Variants in ELOVL2 observed in about 807,000 individuals in gnomAD.
ELOVL2 encodes the protein ELOVL fatty acid elongase 2.
A neutral mutation model predicts 37.7 loss-of-function variants in ELOVL2; 38 were observed. The ratio of observed to expected loss-of-function variants is 1.01; its 90% confidence interval spans 0.78 to 1.32. The LOEUF (loss-of-function observed/expected upper bound fraction) is 1.32. Ranked by LOEUF, ELOVL2 falls within the 40% of genes most tolerant of loss-of-function variation. The pLI, the probability that ELOVL2 is intolerant of heterozygous loss-of-function variation, is 0.00. For missense variants in ELOVL2, 352 were observed against 363.6 expected, an observed-to-expected ratio of 0.97 and a Z score of 0.26; for synonymous variants, 115 against 122.3, an observed-to-expected ratio of 0.94 and a Z score of 0.40.
At position 10,981,736 on chromosome 6, in the gene ELOVL2, CG is replaced by C. The variant is rs1440807062; in HGVS notation, c.*2044del. 1 of 152,098 alleles carries C rather than the reference CG, an allele frequency of 6.6e-6. No individual in the cohort carries two copies. The highest frequency in any genetic ancestry group is 1.5e-5 in the Non-Finnish European group (1 of 68,032). 9.4% of individuals were successfully genotyped at this position (152,098 alleles called of 1,614,324 possible). A position where few individuals can be genotyped will look rare whatever the true frequency, so the allele number is the denominator to read the frequency against. On this transcript the variant is annotated 3_prime_UTR_variant, in exon 8 of 8. Coordinates refer to ENST00000354666, the MANE Select transcript of ELOVL2 (RefSeq NM_017770.4). ...CTGAGACCTTAGGGCCTCACTGGCA[CG>C]TAAGAATAAGCTGAATGTGATGACC... is the stretch of plus-strand genomic sequence containing the variant.
intron 3 of ELOVL2, among the ~76,000 whole-genome samples, chr6:11,001,914 C>T (rs1288199852): frequency 6.6e-6 from 1 of 152,194 alleles, no homozygotes; most frequent in Non-Finnish European, 1.5e-5. Context: ...CCAGCTTCTT[C>T]CCATCTTCAC....
At chr6:11,026,087 C>T (rs376734918) in intron 1 of ELOVL2, among the ~76,000 whole-genome samples, 4 of 152,280 alleles carry the variant, frequency 2.6e-5, no homozygotes, top group South Asian at 4.1e-4. Context: ...GTGGAAGCAG[C>T]GACTGCAAGA....
chr6:11,040,247 A>C (rs1783079417), intron 1 of ELOVL2, among the ~76,000 whole-genome samples: 1 of 152,176 alleles, frequency 6.6e-6, no homozygotes, highest in South Asian at 2.1e-4. Flanking sequence ...GCTGGGTTTA[A>C]GGTGGCAGTG....
intron 3 of ELOVL2, 37 bp downstream of exon 3, chr6:11,005,335 G>A: frequency 6.4e-7 from 1 of 1,572,778 alleles, no homozygotes; most frequent in Non-Finnish European, 8.6e-7. Flanking sequence ...AAAACTGCTA[G>A]TTACTGGACT....
chr6:11,043,914 C>T, intron 1 of ELOVL2: 1 of 261,478 alleles, frequency 3.8e-6, no homozygotes, highest in Non-Finnish European at 7.2e-6. Flanking sequence ...TCCCGGGCGC[C>T]CGGCCCCGTG....
rs372000843 is a variant in ELOVL2, at chr6:11,034,514, C to A, written c.3+9714G>T. ...CCTGGCCAACATGGTGAAACCCCATCTCTACTAAAAATACAAAAATTAGCC... is the reference window on the plus strand; with the variant it reads ...CCTGGCCAACATGGTGAAACCCCATATCTACTAAAAATACAAAAATTAGCC... On this transcript the variant is annotated intron_variant, in intron 1 of 7. Transcript: ENST00000354666. Among the ~76,000 whole-genome samples the A allele has an allele frequency of 1.6e-4, 24 of 147,940 alleles. No homozygotes were observed. The South Asian group carries it at 5.3e-3, about 33-fold the overall frequency.
chr6:10,986,438 G>A (rs1223318658), intron 7 of ELOVL2, among the ~76,000 whole-genome samples: 2 of 152,102 alleles, frequency 1.3e-5, no homozygotes, highest in Admixed American at 1.3e-4. Context: ...GTTTTCAAAG[G>A]GAATGCTTCC....
At chr6:11,032,976 C>A (rs897412900) in intron 1 of ELOVL2, among the ~76,000 whole-genome samples, 3 of 152,086 alleles carry the variant, frequency 2.0e-5, no homozygotes, top group Admixed American at 6.5e-5. Flanking sequence ...TTGAAATAAG[C>A]TGGTAGGGAA....
At position 10,989,765 on chromosome 6, in the gene ELOVL2, G is replaced by C. The variant is rs767839020; in HGVS notation, c.703C>G (p.Leu235Val). The C allele has an allele frequency of 1.4e-5, 22 of 1,613,972 alleles. No individual in the cohort carries two copies. Among genetic ancestry groups the C allele is most frequent in the Non-Finnish European group, 1.9e-5 (22 of 1,179,956 alleles). ...VKPCGFPFGC[L>V]IFQSSYMLTL... ...AGCATATAAGATGACTGGAAGATGA[G>C]ACAACCGAAGGGGAAGCCACACGGT... Residue 235 changes from leucine (L) to valine (V), a missense_variant, in exon 7 of 8, where the codon CTC (leucine) becomes GTC (valine). Transcript: ENST00000354666.
At chr6:11,036,262 A>T (rs572981535) in intron 1 of ELOVL2, among the ~76,000 whole-genome samples, 1 of 152,366 alleles carries the variant, frequency 6.6e-6, no homozygotes, top group African/African-American at 2.4e-5. Context: ...GCAGGACTTT[A>T]AAAGCTTTGA....
chr6:10,986,074 A>G (rs1207890454), intron 7 of ELOVL2, among the ~76,000 whole-genome samples: 2 of 152,100 alleles, frequency 1.3e-5, no homozygotes, highest in Non-Finnish European at 1.5e-5. Context: ...ATCCCTTGTA[A>G]GTTGGATTCC....
chr6:11,012,327 T>C (rs1283470173), intron 1 of ELOVL2, among the ~76,000 whole-genome samples: 1 of 152,222 alleles, frequency 6.6e-6, no homozygotes, highest in African/African-American at 2.4e-5. Context: ...TTTGTTTCCA[T>C]GTAGGGCATC....
rs1782112683 is a variant in ELOVL2 at position 10,989,696 on chromosome 6, C to T, written c.765+7G>A. On this transcript the variant is annotated splice_region_variant and intron_variant, in intron 7 of 7. Coordinates refer to ENST00000354666, the MANE Select transcript of ELOVL2 (RefSeq NM_017770.4). ...ATTTTACTGCTGAATATTTACATTC[C>T]ACGTACCTGAACGTAAAAATTTAAG... 1 of 1,612,718 alleles carries T rather than the reference C, an allele frequency of 6.2e-7. No homozygotes were observed. Among genetic ancestry groups the T allele is most frequent in the Non-Finnish European group, 8.5e-7 (1 of 1,179,094 alleles).
intron 1 of ELOVL2, among the ~76,000 whole-genome samples, chr6:11,029,118 C>T (rs1386758238): frequency 6.9e-6 from 1 of 145,556 alleles, no homozygotes; most frequent in South Asian, 2.2e-4. Context: ...GTCCTAGCTA[C>T]GCAGGAGGCT....
chr6:11,011,506 G>T lies in ELOVL2; in HGVS notation c.4-697C>A, dbSNP rs76978652. Reference sequence around the variant, plus strand: ...TGTGGGTAGGCAATAGAGAACATCTGTTTCCACAAAATATATTCATAAATC... The same window carrying T: ...TGTGGGTAGGCAATAGAGAACATCTTTTTCCACAAAATATATTCATAAATC... On this transcript the variant is annotated intron_variant, in intron 1 of 7. Transcript: ENST00000354666. Among the ~76,000 whole-genome samples the T allele has an allele frequency of 8.2e-3, 1,253 of 152,254 alleles. 10 individuals are homozygous for T. Among genetic ancestry groups the T allele is most frequent in the African/African-American group, 0.029 (1,185 of 41,544 alleles).
chr6:11,037,414 C>T (rs1305463762), intron 1 of ELOVL2, among the ~76,000 whole-genome samples: 1 of 151,892 alleles, frequency 6.6e-6, no homozygotes, highest in African/African-American at 2.4e-5. Context: ...GTGGAAAATT[C>T]AACAGATTTA....
chr6:11,030,652 C>T (rs1006013020), intron 1 of ELOVL2, among the ~76,000 whole-genome samples: 6 of 151,850 alleles, frequency 4.0e-5, no homozygotes, highest in South Asian at 2.1e-4. Context: ...CCACCACGCC[C>T]GGCTAATTTT....
rs145171176 is a variant in ELOVL2, at chr6:11,011,762, C to T, written c.4-953G>A. Among the ~76,000 whole-genome samples the T allele has an allele frequency of 7.0e-4, 107 of 152,238 alleles. No individual in the cohort carries two copies. In the East Asian group the frequency reaches 7.5e-3, roughly 11 times the overall value. ...ACTTTCACTGGATTCAGGTGGGAGCCGGAATACTGCCAGCATGGTCTGCTC... is the reference window on the plus strand; with the variant it reads ...ACTTTCACTGGATTCAGGTGGGAGCTGGAATACTGCCAGCATGGTCTGCTC... On this transcript the variant is annotated intron_variant, in intron 1 of 7. Transcript: ENST00000354666.
Position 10,983,675 on chromosome 6 carries a change from C to G in ELOVL2, c.*106G>C. ...TCTGGGTACAAATGATTTATGAACT[C>G]AAAAGAAATTAGTTTATCCTAAAAC... On this transcript the variant is annotated 3_prime_UTR_variant, in exon 8 of 8. Transcript: ENST00000354666. 13 of 1,246,940 alleles carry G rather than the reference C, an allele frequency of 1.0e-5. No individual in the cohort carries two copies. The highest frequency in any genetic ancestry group is 1.4e-5 in the Non-Finnish European group (13 of 918,316). 77.2% of individuals were successfully genotyped at this position (1,246,940 alleles called of 1,614,324 possible).
Sources: gnomAD v4.1 joint callset for allele counts (sites outside exome capture counted in the v4.1 genomes callset) on GRCh38, gnomAD v4.1.1 for gene constraint, MANE v1.5 for transcripts, NCBI Gene and HGNC (gene_info 2026-07-23, HGNC 2026-07-21) for gene names.